Variants in FMN2 observed in about 807,000 individuals in gnomAD.
FMN2 encodes formin 2.
A neutral mutation model predicts 142.3 loss-of-function variants in FMN2; 51 were observed. The ratio of observed to expected loss-of-function variants is 0.36; its 90% CI spans 0.29 to 0.45. The LOEUF is 0.45. FMN2 is among the 20% of genes least tolerant of loss of function. FMN2 has a pLI of 1.00. For missense variants in FMN2, 1,936 were observed against 2,122.8 expected (o/e 0.91, Z 1.73); for synonymous variants, 882 against 869.8 (o/e 1.01, Z -0.25).
At chr1:240,228,316 A>G (rs1238906476) in intron 6 of FMN2, among the ~76,000 whole-genome samples, 1 of 103,602 alleles carries the variant, frequency 9.7e-6, no homozygotes, top group African/African-American at 5.1e-5. Context: ...AAAAAAAAAA[A>G]AAAAAAAAAA....
In FMN2 at chr1:240,431,401, T is replaced by TA. The variant is rs1337296210; in HGVS notation, c.4911-6660_4911-6659insA. Among the ~76,000 whole-genome samples, 23 of 51,594 alleles carry TA rather than the reference T, an allele frequency of 4.5e-4. 1 individual carries two copies. The highest frequency in any genetic ancestry group is 1.4e-3 in the African/African-American group (23 of 16,462). The allele number at this position is 51,594 out of a possible 152,430, so 33.8% of individuals were successfully genotyped here. A position where few individuals can be genotyped will look rare whatever the true frequency, so the allele number is the denominator to read the frequency against. On this transcript the variant is annotated intron_variant, in intron 15 of 17. Transcript: ENST00000319653. ...GTGTTTTCTGGGTATACAACCATGTTTTATATATATATATATATATATACA... is the reference window on the plus strand; with the variant it reads ...GTGTTTTCTGGGTATACAACCATGTTATTATATATATATATATATATATACA...
intron 1 of FMN2, among the ~76,000 whole-genome samples, chr1:240,113,002 A>G (rs1017772419): frequency 3.9e-5 from 6 of 152,252 alleles, no homozygotes; most frequent in Non-Finnish European, 5.9e-5. Context: ...GGTTGAATAA[A>G]TAAACGTAAG....
chr1:240,093,762 CG>C (rs1661100200), intron 1 of FMN2, 38 bp downstream of exon 1: 2 of 1,280,944 alleles, frequency 1.6e-6, no homozygotes, highest in Non-Finnish European at 2.0e-6. Flanking sequence ...GGTCTCAAGT[CG>C]CCTGTCAGTC....
chr1:240,137,713 AAG>A (rs1647586338), intron 2 of FMN2, among the ~76,000 whole-genome samples: 2 of 152,120 alleles, frequency 1.3e-5, no homozygotes, highest in African/African-American at 2.4e-5. Flanking sequence ...AGGGTGATAG[AAG>A]AGTTTTCAGG....
intron 4 of FMN2, among the ~76,000 whole-genome samples, chr1:240,200,660 A>G (rs560782626): frequency 1.3e-5 from 2 of 152,152 alleles, no homozygotes; most frequent in Non-Finnish European, 1.5e-5. Flanking sequence ...GGATTGTAAC[A>G]TTAATACAGG....
At chr1:240,443,775 A>G (rs1278892342) in intron 16 of FMN2, among the ~76,000 whole-genome samples, 1 of 152,012 alleles carries the variant, frequency 6.6e-6, no homozygotes, top group African/African-American at 2.4e-5. Flanking sequence ...TTTTTTTTCA[A>G]TTTGTCTGTA....
intron 15 of FMN2, among the ~76,000 whole-genome samples, chr1:240,435,966 A>C (rs1192773611): frequency 6.6e-6 from 1 of 152,236 alleles, no homozygotes; most frequent in African/African-American, 2.4e-5. Flanking sequence ...ACTTCAGCCT[A>C]ACAGGTCATA....
chr1:240,154,195 A>G (rs1663917037), intron 2 of FMN2, among the ~76,000 whole-genome samples: 1 of 151,116 alleles, frequency 6.6e-6, no homozygotes, highest in African/African-American at 2.4e-5. Context: ...AGGAGAACGT[A>G]CGTTCTCACT....
intron 1 of FMN2, among the ~76,000 whole-genome samples, chr1:240,104,043 ATC>A (rs1423934379): frequency 1.3e-5 from 2 of 151,364 alleles, no homozygotes; most frequent in Non-Finnish European, 2.9e-5. Context: ...CGCCTGGCTA[ATC>A]TTTTTTGTAT....
chr1:240,251,985 T>G (rs190143857), intron 6 of FMN2, among the ~76,000 whole-genome samples: 1 of 152,314 alleles, frequency 6.6e-6, no homozygotes, highest in East Asian at 1.9e-4. Flanking sequence ...CTCGGCTCAG[T>G]GCAACCTCCG....
intron 15 of FMN2, among the ~76,000 whole-genome samples, chr1:240,430,477 A>G (rs1276603095): frequency 6.6e-6 from 1 of 152,112 alleles, no homozygotes; most frequent in East Asian, 1.9e-4. Context: ...GTATATTTAA[A>G]TGAAAGGAAT....
chr1:240,264,482 T>C (rs557149516), intron 7 of FMN2, among the ~76,000 whole-genome samples: 1 of 152,162 alleles, frequency 6.6e-6, no homozygotes, highest in African/African-American at 2.4e-5. Context: ...GTTGCACCCA[T>C]CAATCTGTCA....
chr1:240,144,819 T>C, intron 2 of FMN2: 1 of 1,435,688 alleles, frequency 7.0e-7, no homozygotes, highest in Admixed American at 1.7e-5. Flanking sequence ...TTCACCAGAG[T>C]GAGCAGTGGC....
chr1:240,143,914 G>T, intron 2 of FMN2: 1 of 1,548,510 alleles, frequency 6.5e-7, no homozygotes, highest in Admixed American at 1.7e-5. Flanking sequence ...AGCCAGCGTA[G>T]GCCAAGCCTA....
In FMN2 at chr1:240,211,054, T is replaced by C. The variant is rs191088346; in HGVS notation, c.3921-37T>C. Reference sequence around the variant, plus strand: ...ATGCTTGCTGTGATGTAAGTTCAGTTTGATGGCTGTTTTATTGTTCTTTTG... The same window carrying C: ...ATGCTTGCTGTGATGTAAGTTCAGTCTGATGGCTGTTTTATTGTTCTTTTG... On this transcript the variant is annotated intron_variant, in intron 5 of 17. Coordinates refer to ENST00000319653, the MANE Select transcript of FMN2 (RefSeq NM_020066.5). 3.3e-3 allele frequency: 5,280 copies of C among 1,582,236 alleles called. 63 individuals are homozygous for C. The highest frequency in any genetic ancestry group is 0.029 in the South Asian group (2,446 of 84,650).
At chr1:240,239,382 T>C (rs1043749150) in intron 6 of FMN2, among the ~76,000 whole-genome samples, 11 of 152,202 alleles carry the variant, frequency 7.2e-5, no homozygotes, top group South Asian at 4.1e-4. Flanking sequence ...GAAAGAAGAC[T>C]ATTTGGTCTG....
intron 16 of FMN2, among the ~76,000 whole-genome samples, chr1:240,455,279 C>G (rs1478830027): frequency 1.5e-5 from 1 of 66,186 alleles, no homozygotes; most frequent in African/African-American, 4.5e-5. Flanking sequence ...CTCACCGGGG[C>G]AGGAGGGTTA....
chr1:240,134,274 A>G (rs1000578196), intron 2 of FMN2, among the ~76,000 whole-genome samples: 1 of 152,188 alleles, frequency 6.6e-6, no homozygotes, highest in Non-Finnish European at 1.5e-5. Flanking sequence ...TGGAGAATCT[A>G]TTCAGTGAAT....
At chr1:240,161,581 G>T (rs1210352841) in intron 2 of FMN2, among the ~76,000 whole-genome samples, 2 of 151,384 alleles carry the variant, frequency 1.3e-5, no homozygotes, top group Non-Finnish European at 2.9e-5. Context: ...CAGGTATCAA[G>T]ACTTATTATA....
Sources: gnomAD v4.1 joint callset for allele counts (sites outside exome capture counted in the v4.1 genomes callset) on GRCh38, gnomAD v4.1.1 for gene constraint, MANE v1.5 for transcripts, NCBI Gene and HGNC (gene_info 2026-07-23, HGNC 2026-07-21) for gene names.